The following FAF1 variants were observed in gnomAD, a reference collection of about 807,000 sequenced individuals.
FAF1 encodes FAS-associated factor 1.
A neutral mutation model predicts 92.5 loss-of-function variants in FAF1; 25 were observed. The observed-to-expected ratio is 0.27, with a 90% CI of 0.20 to 0.38. The LOEUF is 0.38. Ranked by LOEUF, FAF1 falls within the 10% of genes least tolerant of loss-of-function variation. The pLI is 1.00. For synonymous variants in FAF1, 234 were observed against 273.2 expected (o/e 0.86, Z 1.42); for missense variants, 636 against 793.3 (o/e 0.80, Z 2.38).
At chr1:50,548,676 G>A (rs149407241) in intron 13 of FAF1, among the ~76,000 whole-genome samples, 1 of 152,234 alleles carries the variant, frequency 6.6e-6, no homozygotes, top group Non-Finnish European at 1.5e-5. Flanking sequence ...TAAACTTACT[G>A]TCTAATTTTT....
intron 18 of FAF1, among the ~76,000 whole-genome samples, chr1:50,463,294 T>C (rs771752000): frequency 2.6e-5 from 4 of 152,060 alleles, no homozygotes; most frequent in Admixed American, 6.5e-5. Flanking sequence ...CCTTGGAAGG[T>C]TGTGCCTGGT....
intron 18 of FAF1, chr1:50,452,266 G>T: frequency 1.3e-6 from 1 of 744,836 alleles, no homozygotes; most frequent in Non-Finnish European, 2.0e-6. Context: ...CATTGCCCCT[G>T]AAAGCATAAA....
intron 2 of FAF1, chr1:50,846,699 T>C (rs114251634): frequency 1.1e-4 from 68 of 595,014 alleles, no homozygotes; most frequent in African/African-American, 1.1e-3. Context: ...GTTGAAAGCA[T>C]GATGGAGCAC....
intron 15 of FAF1, among the ~76,000 whole-genome samples, chr1:50,500,749 A>G (rs1227080499): frequency 1.3e-5 from 2 of 152,148 alleles, no homozygotes; most frequent in East Asian, 1.9e-4. Context: ...TACCCCATAA[A>G]TATGTACAAC....
intron 8 of FAF1, among the ~76,000 whole-genome samples, chr1:50,651,899 A>G (rs1654881144): frequency 6.6e-6 from 1 of 152,188 alleles, no homozygotes; most frequent in African/African-American, 2.4e-5. Context: ...ACGACATATT[A>G]TTTGGCCAGG....
At chr1:50,880,243 CTTGA>C (rs200730738) in intron 1 of FAF1, among the ~76,000 whole-genome samples, 1,948 of 151,994 alleles carry the variant, frequency 0.013, 35 homozygotes, top group African/African-American at 0.043. Flanking sequence ...ATATTCATGT[CTTGA>C]TTAAGAAATA....
chr1:50,943,368 A>C (rs1645148875), intron 1 of FAF1, among the ~76,000 whole-genome samples: 1 of 152,226 alleles, frequency 6.6e-6, no homozygotes, highest in Admixed American at 6.5e-5. Flanking sequence ...CAGAAAGCCA[A>C]GTAGCTTTCT....
rs1558000811 is a variant in FAF1, at chr1:50,574,896, C to CTGTTTTTTTTTTTTTT, written c.1114-7666_1114-7665insAAAAAAAAAAAAAACA. ...GTTTAAGCATATAGAGTTGTATTAA[C>CTGTTTTTTTTTTTTTT]TCTTTTTTTTTTTTTTTTTTTTTTT... On this transcript the variant is annotated intron_variant, in intron 12 of 18. Transcript: ENST00000396153. 4.3e-4 allele frequency among the ~76,000 whole-genome samples: 53 copies of CTGTTTTTTTTTTTTTT among 122,902 alleles called. 1 individual carries two copies. The highest frequency in any genetic ancestry group is 1.7e-3 in the African/African-American group (53 of 30,792). 80.6% of individuals were successfully genotyped at this position (122,902 alleles called of 152,430 possible). A position where few individuals can be genotyped will look rare whatever the true frequency, so the allele number is the denominator to read the frequency against.
chr1:50,458,510 T>TG (rs1461800805), intron 18 of FAF1, among the ~76,000 whole-genome samples: 1 of 152,224 alleles, frequency 6.6e-6, no homozygotes, highest in African/African-American at 2.4e-5. Flanking sequence ...CCAAGTCCTC[T>TG]GTAAATAAGT....
chr1:50,779,403 A>G (rs555668326), intron 4 of FAF1, among the ~76,000 whole-genome samples: 2 of 152,326 alleles, frequency 1.3e-5, no homozygotes, highest in South Asian at 4.1e-4. Context: ...ATCACTACAT[A>G]TGGCAGCTAC....
chr1:50,607,497 G>T (rs1652482899), intron 8 of FAF1, among the ~76,000 whole-genome samples: 2 of 151,464 alleles, frequency 1.3e-5, no homozygotes, highest in South Asian at 4.2e-4. Flanking sequence ...TTGTATACAG[G>T]TTTCTTTGCT....
At chr1:50,468,373 A>G (rs1007039861) in intron 18 of FAF1, among the ~76,000 whole-genome samples, 1 of 150,332 alleles carries the variant, frequency 6.7e-6, no homozygotes, top group Non-Finnish European at 1.5e-5. Context: ...GCTCACTGCA[A>G]CCTCCGCCTC....
At chr1:50,555,261 A>G (rs1192859665) in intron 13 of FAF1, among the ~76,000 whole-genome samples, 12 of 149,686 alleles carry the variant, frequency 8.0e-5, no homozygotes, top group African/African-American at 3.0e-4. Flanking sequence ...ACACACACAC[A>G]CACCCCAGGA....
chr1:50,587,467 A>T (rs1334760285), intron 9 of FAF1, among the ~76,000 whole-genome samples: 1 of 152,318 alleles, frequency 6.6e-6, no homozygotes, highest in East Asian at 1.9e-4. Context: ...TTTTTTTATC[A>T]GCCATCTAAC....
At chr1:50,941,434 C>A (rs779890768) in intron 1 of FAF1, among the ~76,000 whole-genome samples, 8 of 152,188 alleles carry the variant, frequency 5.3e-5, no homozygotes, top group Admixed American at 2.6e-4. Flanking sequence ...CCAGGCCAGT[C>A]TGGGACTCCT....
intron 8 of FAF1, among the ~76,000 whole-genome samples, chr1:50,601,451 G>C (rs1295988194): frequency 6.6e-6 from 1 of 152,168 alleles, no homozygotes; most frequent in Non-Finnish European, 1.5e-5. Flanking sequence ...GGAGGCCAAG[G>C]AGGGCAGATC....
intron 13 of FAF1, among the ~76,000 whole-genome samples, chr1:50,547,385 G>T (rs1355972840): frequency 6.6e-6 from 1 of 151,902 alleles, no homozygotes; most frequent in Admixed American, 6.6e-5. Flanking sequence ...TATCTCAATA[G>T]ATTAGTAGTC....
chr1:50,769,718 G>T (rs886912894), intron 4 of FAF1, among the ~76,000 whole-genome samples: 5 of 152,108 alleles, frequency 3.3e-5, no homozygotes, highest in African/African-American at 1.2e-4. Context: ...AACAGATACA[G>T]AAAAGGCTTT....
At chr1:50,681,573 T>A (rs1656421756) in intron 7 of FAF1, among the ~76,000 whole-genome samples, 1 of 151,878 alleles carries the variant, frequency 6.6e-6, no homozygotes, top group Non-Finnish European at 1.5e-5. Flanking sequence ...AATGGCGCAA[T>A]CTCGTCTCAC....
Sources: gnomAD v4.1 joint callset for allele counts (sites outside exome capture counted in the v4.1 genomes callset) on GRCh38, gnomAD v4.1.1 for gene constraint, MANE v1.5 for transcripts, NCBI Gene and HGNC (gene_info 2026-07-23, HGNC 2026-07-21) for gene names.